Variants in UBE2F observed in about 807,000 individuals in gnomAD.
UBE2F encodes the protein ubiquitin conjugating enzyme E2 F (putative).
Under a neutral mutation model 29.6 loss-of-function variants are expected in UBE2F, and 5 were observed. The observed-to-expected ratio is 0.17, with a 90% CI of 0.09 to 0.36. The LOEUF (loss-of-function observed/expected upper bound fraction) is 0.36. Ranked by LOEUF, UBE2F falls within the 10% of genes least tolerant of loss-of-function variation. The pLI is 1.00. For synonymous variants in UBE2F, 66 were observed against 81.8 expected, an observed-to-expected ratio of 0.81 and a Z score of 1.04; for missense variants, 141 against 228.5, an observed-to-expected ratio of 0.62 and a Z score of 2.47.
chr2:237,976,511 G>A (rs1487337519), intron 2 of UBE2F, among the ~76,000 whole-genome samples: 1 of 152,234 alleles, frequency 6.6e-6, no homozygotes, highest in African/African-American at 2.4e-5. Flanking sequence ...GAGTTTTGGA[G>A]GCTGGGAAGT....
At chr2:238,033,483 G>A (rs1326052124) in intron 8 of UBE2F, among the ~76,000 whole-genome samples, 2 of 152,222 alleles carry the variant, frequency 1.3e-5, no homozygotes, top group South Asian at 2.1e-4. Flanking sequence ...TGTTTTATGA[G>A]CATCCTCCTG....
chr2:238,027,439 G>A (rs1412557096), intron 6 of UBE2F, among the ~76,000 whole-genome samples: 1 of 152,188 alleles, frequency 6.6e-6, no homozygotes, highest in Non-Finnish European at 1.5e-5. Flanking sequence ...AGACCATGAA[G>A]TGTGGCTTAC....
At chr2:238,022,124 G>T (rs1325949673) in intron 5 of UBE2F, among the ~76,000 whole-genome samples, 1 of 151,558 alleles carries the variant, frequency 6.6e-6, no homozygotes, top group Non-Finnish European at 1.5e-5. Context: ...GGGAGGAAAT[G>T]GTATCTCGTT....
chr2:237,967,128 C>A lies in UBE2F; in HGVS notation c.-21C>A. ...GGCCCGCCTCGCCTGTCTCGGGGAG[C>A]CCAGGTGAGGAGCGACCGTGCGGCT... On this transcript the variant is annotated 5_prime_UTR_variant, in exon 1 of 10. Transcript: ENST00000272930. This position sits in a 1 kb window ranked among gnomAD's most constrained non-coding sequence, Gnocchi z 6.3. 7.5e-7 allele frequency: 1 copy of A among 1,326,912 alleles called. No individual in the cohort carries two copies. The highest frequency in any genetic ancestry group is 1.8e-5 in the South Asian group (1 of 55,012). 82.2% of individuals were successfully genotyped at this position (1,326,912 alleles called of 1,614,324 possible). A position where few individuals can be genotyped will look rare whatever the true frequency, so the allele number is the denominator to read the frequency against.
chr2:237,979,606 G>A (rs2063344052), intron 2 of UBE2F, among the ~76,000 whole-genome samples: 2 of 152,220 alleles, frequency 1.3e-5, no homozygotes, highest in Admixed American at 1.3e-4. Flanking sequence ...AACTAGAGCA[G>A]TGGCCCAAGG....
chr2:238,021,181 A>G (rs1279854266), intron 5 of UBE2F, among the ~76,000 whole-genome samples: 3 of 152,142 alleles, frequency 2.0e-5, no homozygotes, highest in African/African-American at 7.2e-5. Flanking sequence ...GTCTCCTCAC[A>G]TGTTGTTGGC....
At chr2:238,015,030 G>GA (rs948972073) in intron 4 of UBE2F, among the ~76,000 whole-genome samples, 2 of 151,764 alleles carry the variant, frequency 1.3e-5, no homozygotes, top group African/African-American at 2.4e-5. Flanking sequence ...AACCAGTTAG[G>GA]AAAAAAAATA....
chr2:238,041,534 G>A lies in UBE2F; in HGVS notation c.*196G>A. On this transcript the variant is annotated 3_prime_UTR_variant, in exon 10 of 10. Coordinates refer to ENST00000272930, the MANE Select transcript of UBE2F (RefSeq NM_080678.3). Reference sequence around the variant, plus strand: ...AGATGGAGAATTCAACATAAATACAGCAAGAAAATGTGTTTGGGCTTCTGA... The same window carrying A: ...AGATGGAGAATTCAACATAAATACAACAAGAAAATGTGTTTGGGCTTCTGA... 1.8e-6 allele frequency: 1 copy of A among 552,402 alleles called. No individual in the cohort carries two copies. Among genetic ancestry groups the A allele is most frequent in the Non-Finnish European group, 3.2e-6 (1 of 309,706 alleles). 34.2% of individuals were successfully genotyped at this position (552,402 alleles called of 1,614,324 possible).
At chr2:237,974,340 G>A (rs1290112160) in intron 2 of UBE2F, among the ~76,000 whole-genome samples, 3 of 151,888 alleles carry the variant, frequency 2.0e-5, no homozygotes, top group African/African-American at 4.8e-5. Context: ...ACAGGCATGC[G>A]CTACTACACC....
intron 1 of UBE2F, among the ~76,000 whole-genome samples, chr2:237,972,397 T>C (rs569993313): frequency 1.3e-5 from 2 of 152,260 alleles, no homozygotes; most frequent in South Asian, 2.1e-4. Flanking sequence ...AATGGACTCA[T>C]GTGGAACCCA....
chr2:237,972,547 T>A (rs80264658), intron 1 of UBE2F, among the ~76,000 whole-genome samples: 52,740 of 128,926 alleles, frequency 0.41, 11,707 homozygotes, highest in East Asian at 0.62. Context: ...TTAAATTTTT[T>A]TTTTTTTTTT....
chr2:238,032,421 T>G, intron 8 of UBE2F, 167 bp downstream of exon 8: 1 of 598,060 alleles, frequency 1.7e-6, no homozygotes, highest in Non-Finnish European at 2.9e-6. Flanking sequence ...GATCCCCACT[T>G]GAGTCCAGGA....
At chr2:237,985,304 G>A (rs966893840) in intron 2 of UBE2F, among the ~76,000 whole-genome samples, 1 of 152,122 alleles carries the variant, frequency 6.6e-6, no homozygotes, top group African/African-American at 2.4e-5. Flanking sequence ...TCATCATGCT[G>A]TACTTTAGAT....
Position 238,031,971 on chromosome 2 carries a change from G to T in UBE2F, c.412-251G>T, listed in dbSNP as rs530316643. Among the ~76,000 whole-genome samples, 7 of 152,368 alleles carry T rather than the reference G, an allele frequency of 4.6e-5. No homozygotes were observed. In the South Asian group the frequency reaches 1.4e-3, roughly 32 times the overall value. Reference sequence around the variant, plus strand: ...TGTCGTGCAGGATTGGGCTTGTCAGGTCTGACTGGGAGGGTGTCTGATGCT... The same window carrying T: ...TGTCGTGCAGGATTGGGCTTGTCAGTTCTGACTGGGAGGGTGTCTGATGCT... On this transcript the variant is annotated intron_variant, in intron 7 of 9. Coordinates refer to ENST00000272930, the MANE Select transcript of UBE2F (RefSeq NM_080678.3).
chr2:238,003,984 T>C (rs76165377), intron 4 of UBE2F, among the ~76,000 whole-genome samples: 3,420 of 152,332 alleles, frequency 0.022, 58 homozygotes, highest in East Asian at 0.089. Context: ...TTTACTAGGA[T>C]ATTATTTAAA....
chr2:238,035,347 G>A (rs1412120409), intron 8 of UBE2F: 2 of 155,908 alleles, frequency 1.3e-5, no homozygotes, highest in African/African-American at 2.4e-5. Flanking sequence ...CCTGAGTCGG[G>A]GGACATGAGC....
intron 5 of UBE2F, among the ~76,000 whole-genome samples, chr2:238,022,327 T>C (rs1003606219): frequency 6.6e-6 from 1 of 152,170 alleles, no homozygotes; most frequent in African/African-American, 2.4e-5. Flanking sequence ...ACTAATAAGC[T>C]GTTTATATTT....
intron 8 of UBE2F, 164 bp from the exon 9 acceptor site, chr2:238,035,714 A>T: frequency 3.5e-6 from 2 of 579,006 alleles, no homozygotes; most frequent in East Asian, 5.7e-5. Flanking sequence ...CACATGTTCG[A>T]TATTTTGGTA....
chr2:238,010,798 A>C lies in UBE2F; in HGVS notation c.215-5768A>C, dbSNP rs1032162496. Reference sequence around the variant, plus strand: ...CTCAAGAATGATCTGTCAGCTGCCCACTCAACACCTCCACTGGGATGCCAA... The same window carrying C: ...CTCAAGAATGATCTGTCAGCTGCCCCCTCAACACCTCCACTGGGATGCCAA... On this transcript the variant is annotated intron_variant, in intron 4 of 9. Transcript: ENST00000272930. Among the ~76,000 whole-genome samples the C allele has an allele frequency of 6.6e-5, 10 of 152,166 alleles. No homozygotes were observed. The East Asian group carries it at 1.9e-3, about 29-fold the overall frequency.
Sources: allele counts gnomAD v4.1 joint callset (sites outside exome capture counted in the v4.1 genomes callset), GRCh38; gene constraint gnomAD v4.1.1; non-coding constraint Gnocchi (gnomAD v3.1); transcripts MANE v1.5; gene names NCBI Gene and HGNC (gene_info 2026-07-23, HGNC 2026-07-21).